FAM217A: variants seen among roughly 807,000 people sequenced by gnomAD.
FAM217A encodes family with sequence similarity 217 member A, also known as protein FAM217A.
FAM217A carries 13 observed loss-of-function variants against 18.5 expected under a neutral mutation model. The ratio of observed to expected loss-of-function variants is 0.70; its 90% CI spans 0.46 to 1.12. The LOEUF (loss-of-function observed/expected upper bound fraction) is 1.12. FAM217A is among the 50% of genes most tolerant of loss of function. The probability of loss-of-function intolerance (pLI) is 0.00; values close to 1 mark genes in which losing one functional copy is unlikely to be tolerated. For missense variants in FAM217A, 560 were observed against 575.4 expected, an observed-to-expected ratio of 0.97 and a Z score of 0.27; for synonymous variants, 161 against 202.8, an observed-to-expected ratio of 0.79 and a Z score of 1.75.
chr6:4,084,626 G>A, exon 2 of FAM217A: 1 of 702,970 alleles, frequency 1.4e-6, no homozygotes, highest in Non-Finnish European at 2.6e-6. Context: ...CTGGTCGTCA[G>A]ACCCCTCCCA....
At chr6:4,079,350 C>A (rs1770100755), upstream of FAM217A, 1 of 217,788 alleles carries the variant, frequency 4.6e-6, no homozygotes, top group Non-Finnish European at 9.3e-6. Context: ...CCCCGCCCGG[C>A]CTCCCCCGCG....
At position 4,069,817 on chromosome 6, in the gene FAM217A, G is replaced by A. The variant is rs371728702; in HGVS notation, c.406C>T (p.Gln136Ter). The change falls in exon 7 of 7, where the codon CAA becomes TAA. Residue 136 changes from glutamine to a stop codon, truncating the protein, a stop_gained. Coordinates refer to ENST00000274673, the MANE Select transcript of FAM217A (RefSeq NM_173563.3). LOFTEE classifies it low-confidence loss of function (END_TRUNC). ...HPLTIASVDKQVGPYPGLPMP... is the reference protein window; with the variant it reads ...HPLTIASVDK Reference sequence around the variant, plus strand: ...GGCAGTCCAGGGTAAGGACCAACTTGCTTATCAACTGAAGCAATTGTTAAT... The same window carrying A: ...GGCAGTCCAGGGTAAGGACCAACTTACTTATCAACTGAAGCAATTGTTAAT... 20 of 1,614,054 alleles carry A rather than the reference G, an allele frequency of 1.2e-5. No individual in the cohort carries two copies. The highest frequency in any genetic ancestry group is 1.7e-5 in the Non-Finnish European group (20 of 1,180,020).
chr6:4,081,980 CT>C (rs200085493), upstream of FAM217A, among the ~76,000 whole-genome samples: 15 of 151,684 alleles, frequency 9.9e-5, no homozygotes, highest in Non-Finnish European at 1.9e-4. Flanking sequence ...CTCTAAGATT[CT>C]TTTTTTTTCT....
Position 4,073,543 on chromosome 6 carries a change from T to TCTC in FAM217A, c.160-39_160-37dup, listed in dbSNP as rs764641435. The stretch of plus-strand genomic sequence containing the variant: ...GCAGAAGACTTTTAAACATAATATA[T>TCTC]CTCTGTTCCCTATTCTTGTTCTAAC... On this transcript the variant is annotated intron_variant, in intron 4 of 6. Transcript: ENST00000274673. The TCTC allele has an allele frequency of 3.0e-5, 45 of 1,515,780 alleles. No individual in the cohort carries two copies. The Middle Eastern group carries it at 5.3e-4, about 18-fold the overall frequency. The allele number at this position is 1,515,780 out of a possible 1,614,324, so 93.9% of individuals were successfully genotyped here.
intron 2 of FAM217A, among the ~76,000 whole-genome samples, chr6:4,074,985 T>C (rs1769680839): frequency 6.6e-6 from 1 of 152,148 alleles, no homozygotes; most frequent in Non-Finnish European, 1.5e-5. Context: ...AGTGTGCCTC[T>C]GGAACACAAT....
chr6:4,071,320 T>C (rs1435406897), intron 6 of FAM217A, among the ~76,000 whole-genome samples: 1 of 152,246 alleles, frequency 6.6e-6, no homozygotes, highest in Admixed American at 6.5e-5. Context: ...GTTGATGGTA[T>C]ATTGAGGAGA....
In FAM217A at chr6:4,077,392, C is replaced by T; in HGVS notation, c.23G>A (p.Cys8Tyr). ...GTTTGACACACGTAGGCTGTTAGCACAGTTCTCATTTCTTCTCCCCATTTT... is the reference window on the plus strand; with the variant it reads ...GTTTGACACACGTAGGCTGTTAGCATAGTTCTCATTTCTTCTCCCCATTTT... Reference protein sequence around the residue: MGRRNENCANSLRVSNIS... With the variant: MGRRNENYANSLRVSNIS... The change falls in exon 2 of 7, where the codon TGT (cysteine) becomes TAT (tyrosine). Residue 8 changes from cysteine (C) to tyrosine (Y), a missense_variant. By Grantham distance (194) the Cys-to-Tyr change is radical. Transcript: ENST00000274673. 6.2e-7 allele frequency: 1 copy of T among 1,614,220 alleles called. No homozygotes were observed. The highest frequency in any genetic ancestry group is 1.3e-5 in the African/African-American group (1 of 75,058).
intron 2 of FAM217A, among the ~76,000 whole-genome samples, chr6:4,075,764 A>G (rs1769748316): frequency 1.3e-5 from 2 of 152,248 alleles, no homozygotes; most frequent in African/African-American, 4.8e-5. Flanking sequence ...TCTCTTCACT[A>G]AGGAGGAACA....
At position 4,068,855 on chromosome 6, in the gene FAM217A, CTTCT is replaced by C; in HGVS notation, c.1364_1367del (p.Gln455ArgfsTer22). 1 of 1,614,128 alleles carries C rather than the reference CTTCT, an allele frequency of 6.2e-7. No individual in the cohort carries two copies. The highest frequency in any genetic ancestry group is 8.5e-7 in the Non-Finnish European group (1 of 1,180,006). ...TTCTCTTCGGTGCCTTAATTTCTTC[CTTCT>C]GATTTTCGGGAAAAGTCAGAGGTAT... On this transcript the variant is annotated frameshift_variant, in exon 7 of 7. Coordinates refer to ENST00000274673, the MANE Select transcript of FAM217A (RefSeq NM_173563.3). LOFTEE classifies it low-confidence loss of function (END_TRUNC).
At chr6:4,069,982 G>T in intron 6 of FAM217A, 62 bp from the exon 7 acceptor site, 1 of 1,229,654 alleles carries the variant, frequency 8.1e-7, no homozygotes, top group Non-Finnish European at 1.1e-6. Flanking sequence ...CTATTAAAAT[G>T]ATACAGTTAA....
chr6:4,078,877 C>T lies in FAM217A; in HGVS notation c.-60G>A, dbSNP rs939462829. ...CGCGCGAAGGCCCACGTGTCCTCCC[C>T]GGCGTGCTCTCCCGGTGCGCCGCCC... On this transcript the variant is annotated 5_prime_UTR_variant, in exon 1 of 7. Coordinates refer to ENST00000274673, the MANE Select transcript of FAM217A (RefSeq NM_173563.3). 3 of 551,388 alleles carry T rather than the reference C, an allele frequency of 5.4e-6. No individual in the cohort carries two copies. Among genetic ancestry groups the T allele is most frequent in the South Asian group, 4.3e-5 (2 of 46,570 alleles). 34.2% of individuals were successfully genotyped at this position (551,388 alleles called of 1,614,324 possible). A position where few individuals can be genotyped will look rare whatever the true frequency, so the allele number is the denominator to read the frequency against.
chr6:4,074,147 C>G (rs73351512), intron 4 of FAM217A, among the ~76,000 whole-genome samples: 4,474 of 152,112 alleles, frequency 0.029, 207 homozygotes, highest in African/African-American at 0.1. Flanking sequence ...CCACTGCACC[C>G]GGCCTGCTTC....
chr6:4,080,688 C>T (rs1262118286), upstream of FAM217A, among the ~76,000 whole-genome samples: 1 of 152,184 alleles, frequency 6.6e-6, no homozygotes, highest in African/African-American at 2.4e-5. Flanking sequence ...TAGGTATCTG[C>T]TCATCACCTT....
intron 1 of FAM217A, among the ~76,000 whole-genome samples, chr6:4,085,987 C>T (rs1381559130): frequency 6.6e-6 from 1 of 151,846 alleles, no homozygotes; most frequent in African/African-American, 2.4e-5. Flanking sequence ...TAGTGATGCA[C>T]ACCTATAGAC....
In FAM217A at chr6:4,068,576, C is replaced by A. The variant is rs530947562; in HGVS notation, c.*120G>T. 33 of 1,130,780 alleles carry A rather than the reference C, an allele frequency of 2.9e-5. No homozygotes were observed. The South Asian group carries it at 5.0e-4, about 17-fold the overall frequency. The allele number at this position is 1,130,780 out of a possible 1,614,324, so 70.0% of individuals were successfully genotyped here. ...AAGTTCTACTCCATATCACATCAAGCAACTGTTTGGTGATTTTGGGGGACT... is the reference window on the plus strand; with the variant it reads ...AAGTTCTACTCCATATCACATCAAGAAACTGTTTGGTGATTTTGGGGGACT... On this transcript the variant is annotated 3_prime_UTR_variant, in exon 7 of 7. Coordinates refer to ENST00000274673, the MANE Select transcript of FAM217A (RefSeq NM_173563.3).
At chr6:4,083,740 G>C (rs2113896686), upstream of FAM217A, among the ~76,000 whole-genome samples, 1 of 152,054 alleles carries the variant, frequency 6.6e-6, no homozygotes, top group East Asian at 1.9e-4. Flanking sequence ...TTATAGTAGA[G>C]ACGAGGTTTC....
At chr6:4,086,446 C>CAAA (rs60309347) in intron 1 of FAM217A, among the ~76,000 whole-genome samples, 82 of 76,748 alleles carry the variant, frequency 1.1e-3, no homozygotes, top group Middle Eastern at 0.013. Flanking sequence ...AACTCTGTCT[C>CAAA]AAAAAAAAAA....
intron 6 of FAM217A, among the ~76,000 whole-genome samples, chr6:4,072,120 A>C (rs1223548030): frequency 6.6e-6 from 1 of 152,140 alleles, no homozygotes; most frequent in African/African-American, 2.4e-5. Context: ...AGGTGGGTGA[A>C]TCACAAGGTC....
Position 4,068,502 on chromosome 6 carries a change from TATAGA to T in FAM217A, c.*189_*193del, listed in dbSNP as rs1169959180. The stretch of plus-strand genomic sequence containing the variant: ...TGCAAAAGATTGTGAAATATGTCAG[TATAGA>T]AGCCTGTGGGTTTATATATAGACAT... On this transcript the variant is annotated 3_prime_UTR_variant, in exon 7 of 7. Transcript: ENST00000274673. 21 of 515,602 alleles carry T rather than the reference TATAGA, an allele frequency of 4.1e-5. No individual in the cohort carries two copies. Among genetic ancestry groups the T allele is most frequent in the Non-Finnish European group, 1.0e-5 (3 of 301,104 alleles). 31.9% of individuals were successfully genotyped at this position (515,602 alleles called of 1,614,324 possible).
Sources: gnomAD v4.1 joint callset for allele counts (sites outside exome capture counted in the v4.1 genomes callset) on GRCh38, gnomAD v4.1.1 for gene constraint, MANE v1.5 for transcripts, NCBI Gene and HGNC (gene_info 2026-07-23, HGNC 2026-07-21) for gene names.